The following MAP3K3 variants were observed in gnomAD, a reference collection of about 807,000 sequenced individuals.
MAP3K3 encodes MAP/ERK kinase kinase 3.
In MAP3K3, 12 loss-of-function variants were observed where a neutral mutation model predicts 80.9. That is an observed-to-expected ratio of 0.15 (90% CI 0.10 to 0.24). The LOEUF (loss-of-function observed/expected upper bound fraction) is 0.24. MAP3K3 is among the 10% of genes least tolerant of loss of function. The pLI is 1.00. For missense variants in MAP3K3, 596 were observed against 834.7 expected (o/e 0.71, Z 3.52); for synonymous variants, 272 against 307.1 (o/e 0.89, Z 1.19).
chr17:63,669,392 G>C (rs2035059306), intron 6 of MAP3K3, among the ~76,000 whole-genome samples: 1 of 152,138 alleles, frequency 6.6e-6, no homozygotes, highest in Admixed American at 6.6e-5. Flanking sequence ...GCTGCACTCA[G>C]ACTCTTTTGG....
chr17:63,692,099 TA>T lies in MAP3K3; in HGVS notation c.1475-140del, dbSNP rs1204627034. On this transcript the variant is annotated intron_variant, in intron 14 of 15. Transcript: ENST00000361733. The surrounding 1 kb of genome is among the most constrained non-coding windows in gnomAD (Gnocchi z 4.5). The stretch of plus-strand genomic sequence containing the variant: ...CGGTAGATCTGAGACTCCCCTTTGC[TA>T]AATCCTTTGCCCTTTGCAGTTCATG... 2 of 1,023,500 alleles carry T rather than the reference TA, an allele frequency of 2.0e-6. No homozygotes were observed. The highest frequency in any genetic ancestry group is 2.5e-5 in the Admixed American group (1 of 40,362). 63.4% of individuals were successfully genotyped at this position (1,023,500 alleles called of 1,614,324 possible).
chr17:63,684,006 T>A (rs1044687392), intron 7 of MAP3K3, among the ~76,000 whole-genome samples: 10 of 151,488 alleles, frequency 6.6e-5, no homozygotes, highest in East Asian at 1.9e-4. Context: ...AAAAAAAAAA[T>A]TTAATTAGCT....
intron 1 of MAP3K3, among the ~76,000 whole-genome samples, chr17:63,626,371 A>G (rs1240563006): frequency 6.6e-6 from 1 of 152,224 alleles, no homozygotes; most frequent in Non-Finnish European, 1.5e-5. Flanking sequence ...CAGGAGAGAG[A>G]TCAATTCTGT....
At chr17:63,634,948 A>C (rs746707247) in intron 2 of MAP3K3, 156 of 706,482 alleles carry the variant, frequency 2.2e-4, no homozygotes, top group Non-Finnish European at 1.8e-4. Context: ...CAGTGCTTCT[A>C]GTCACCATTT....
intron 2 of MAP3K3, among the ~76,000 whole-genome samples, chr17:63,639,367 C>G (rs1479211303): frequency 1.3e-5 from 2 of 152,152 alleles, no homozygotes; most frequent in Non-Finnish European, 2.9e-5. Context: ...ACAAGGTGAG[C>G]TTTGATCTGG....
chr17:63,690,997 C>T, intron 12 of MAP3K3, 105 bp from the exon 13 acceptor site: 1 of 1,409,140 alleles, frequency 7.1e-7, no homozygotes. Context: ...CTGCAGTTCC[C>T]AAGGCAGATC....
chr17:63,658,272 G>T (rs1430041091), intron 5 of MAP3K3, among the ~76,000 whole-genome samples: 1 of 152,210 alleles, frequency 6.6e-6, no homozygotes, highest in Non-Finnish European at 1.5e-5. Flanking sequence ...GACTGTCAAA[G>T]ATTTGAGACT....
chr17:63,644,462 C>T (rs544601164), intron 2 of MAP3K3, among the ~76,000 whole-genome samples: 3 of 152,240 alleles, frequency 2.0e-5, no homozygotes, highest in Admixed American at 6.5e-5. Context: ...GTGATCTGCC[C>T]GCCTCGGCCT....
chr17:63,643,899 C>T (rs1318232803), intron 2 of MAP3K3, among the ~76,000 whole-genome samples: 3 of 152,140 alleles, frequency 2.0e-5, no homozygotes, highest in Non-Finnish European at 2.9e-5. Flanking sequence ...GCTCTCAGTG[C>T]CTGTGTGACA....
intron 7 of MAP3K3, chr17:63,682,668 T>A (rs2035364277): frequency 6.6e-6 from 1 of 152,274 alleles, no homozygotes; most frequent in South Asian, 2.1e-4. Context: ...CTGAGTTCCC[T>A]TCCTAGAGGC....
intron 4 of MAP3K3, among the ~76,000 whole-genome samples, chr17:63,654,775 G>A (rs1005598260): frequency 2.0e-5 from 3 of 152,160 alleles, no homozygotes; most frequent in African/African-American, 7.2e-5. Flanking sequence ...AGTGACTCAC[G>A]CCTGTTAATC....
chr17:63,656,866 A>G (rs181669920), intron 4 of MAP3K3, among the ~76,000 whole-genome samples: 1 of 152,246 alleles, frequency 6.6e-6, no homozygotes, highest in African/African-American at 2.4e-5. Context: ...TAATTGACTC[A>G]CAGTTCAGCA....
chr17:63,645,907 G>GC, intron 2 of MAP3K3, 127 bp from the exon 3 acceptor site: 1 of 703,532 alleles, frequency 1.4e-6, no homozygotes. Context: ...GGGAAGAGAA[G>GC]CTGGACCAGG....
intron 6 of MAP3K3, among the ~76,000 whole-genome samples, chr17:63,672,049 G>A (rs1046085930): frequency 2.6e-5 from 4 of 151,944 alleles, no homozygotes; most frequent in Admixed American, 6.6e-5. Flanking sequence ...TTGGGAGGCC[G>A]AGATGGGTGG....
chr17:63,689,912 G>A lies in MAP3K3; in HGVS notation c.1063+177G>A. On this transcript the variant is annotated intron_variant, in intron 11 of 15. Coordinates refer to ENST00000361733, the MANE Select transcript of MAP3K3 (RefSeq NM_002401.5). This position sits in a 1 kb window ranked among gnomAD's most constrained non-coding sequence, Gnocchi z 4.3. Reference sequence around the variant, plus strand: ...GCCTGGCTCCACTATTGTGTGACAAGCCTCTTCTCCTCTCTGATCTTTAGT... The same window carrying A: ...GCCTGGCTCCACTATTGTGTGACAAACCTCTTCTCCTCTCTGATCTTTAGT... 1 of 622,464 alleles carries A rather than the reference G, an allele frequency of 1.6e-6. No homozygotes were observed. The highest frequency in any genetic ancestry group is 2.8e-6 in the Non-Finnish European group (1 of 362,900). The allele number at this position is 622,464 out of a possible 1,614,324, so 38.6% of individuals were successfully genotyped here. A position where few individuals can be genotyped will look rare whatever the true frequency, so the allele number is the denominator to read the frequency against.
chr17:63,689,299 C>A lies in MAP3K3; in HGVS notation c.872-245C>A. 1 of 561,110 alleles carries A rather than the reference C, an allele frequency of 1.8e-6. No individual in the cohort carries two copies. 34.8% of individuals were successfully genotyped at this position (561,110 alleles called of 1,614,324 possible). A position where few individuals can be genotyped will look rare whatever the true frequency, so the allele number is the denominator to read the frequency against. On this transcript the variant is annotated intron_variant, in intron 10 of 15. Coordinates refer to ENST00000361733, the MANE Select transcript of MAP3K3 (RefSeq NM_002401.5). This position sits in a 1 kb window ranked among gnomAD's most constrained non-coding sequence, Gnocchi z 4.3. ...TCCCTTTGGCCAGATCTCCCTGAACCAGACTACTTCCTAATTTCTGCTTTT... is the reference window on the plus strand; with the variant it reads ...TCCCTTTGGCCAGATCTCCCTGAACAAGACTACTTCCTAATTTCTGCTTTT...
Position 63,632,642 on chromosome 17 carries a change from A to G in MAP3K3, c.5-39A>G, listed in dbSNP as rs149691000. The stretch of plus-strand genomic sequence containing the variant: ...TTGTGAAAGAGCTTTGCTGGTCTGT[A>G]TTTAAGTGTCTTAGTCCATGTGCTC... On this transcript the variant is annotated intron_variant, in intron 1 of 15. Transcript: ENST00000361733. 2,477 of 1,611,590 alleles carry G rather than the reference A, an allele frequency of 1.5e-3. 39 individuals carry two copies. The African/African-American group carries it at 0.029, about 19-fold the overall frequency.
chr17:63,646,138 T>A, intron 3 of MAP3K3, 64 bp downstream of exon 3: 1 of 1,435,084 alleles, frequency 7.0e-7, no homozygotes, highest in Non-Finnish European at 9.8e-7. Flanking sequence ...TAGCATTGAG[T>A]TCATGGAAGT....
chr17:63,686,476 G>A (rs964140994), intron 8 of MAP3K3, among the ~76,000 whole-genome samples: 8 of 152,212 alleles, frequency 5.3e-5, no homozygotes, highest in African/African-American at 1.2e-4. Context: ...GAGTGCCAGG[G>A]CTTGCTGTCA....
Sources: gnomAD v4.1 joint callset for allele counts (sites outside exome capture counted in the v4.1 genomes callset) on GRCh38, gnomAD v4.1.1 for gene constraint, Gnocchi (gnomAD v3.1) non-coding constraint, MANE v1.5 for transcripts, NCBI Gene and HGNC (gene_info 2026-07-23, HGNC 2026-07-21) for gene names.